UNC13A: variants seen among roughly 807,000 people sequenced by gnomAD.
UNC13A encodes protein unc-13 homolog A.
In UNC13A, 61 loss-of-function variants were observed where a neutral mutation model predicts 219.7. The ratio of observed to expected loss-of-function variants is 0.28; its 90% confidence interval spans 0.23 to 0.34. The LOEUF (loss-of-function observed/expected upper bound fraction) is 0.34. Among genes scored for constraint, UNC13A ranks in the 10% least tolerant of loss-of-function variants. The probability of loss-of-function intolerance (pLI) is 1.00; values close to 1 mark genes in which losing one functional copy is unlikely to be tolerated. For synonymous variants in UNC13A, 920 were observed against 884.6 expected, an observed-to-expected ratio of 1.04 and a Z score of -0.71; for missense variants, 1,476 against 2,270.3, an observed-to-expected ratio of 0.65 and a Z score of 7.11.
chr19:17,667,227 G>A (rs2079671791), intron 6 of UNC13A, among the ~76,000 whole-genome samples: 1 of 149,122 alleles, frequency 6.7e-6, no homozygotes. Flanking sequence ...CTCCAGCCTG[G>A]TGACACAGCG....
intron 19 of UNC13A, among the ~76,000 whole-genome samples, chr19:17,643,400 A>G (rs541268288): frequency 7.3e-4 from 111 of 151,994 alleles, no homozygotes; most frequent in South Asian, 1.5e-3. Context: ...GCTCACTGCA[A>G]TCTCCACCTC....
Position 17,630,148 on chromosome 19 carries a change from G to C in UNC13A, c.3666C>G (p.Ala1222=). Reference sequence around the variant, plus strand: ...AACCCTACCCACTCTCCCACACCTTGGCAAAGCGCCTCATGTAGTGCCCCA... The same window carrying C: ...AACCCTACCCACTCTCCCACACCTTCGCAAAGCGCCTCATGTAGTGCCCCA... ...QIVGHYMRRF[A]KTISNVLLQY... The change falls in exon 30 of 44, where the codon GCC becomes GCG. Residue 1222 remains alanine, a synonymous_variant. Coordinates refer to ENST00000519716, the MANE Select transcript of UNC13A (RefSeq NM_001080421.3). 6 of 1,551,808 alleles carry C rather than the reference G, an allele frequency of 3.9e-6. No individual in the cohort carries two copies. The highest frequency in any genetic ancestry group is 5.2e-6 in the Non-Finnish European group (6 of 1,147,026).
chr19:17,640,290 C>T (rs149550658), intron 22 of UNC13A, among the ~76,000 whole-genome samples: 237 of 152,282 alleles, frequency 1.6e-3, no homozygotes, highest in African/African-American at 5.4e-3. Flanking sequence ...TCTCCAGCCT[C>T]GGCCTCCCAA....
At chr19:17,607,415 C>A (rs1370887257) in intron 43 of UNC13A, among the ~76,000 whole-genome samples, 1 of 142,720 alleles carries the variant, frequency 7.0e-6, no homozygotes, top group African/African-American at 2.7e-5. Flanking sequence ...GCATGCACCA[C>A]CACACCGGGC....
chr19:17,626,019 A>G (rs2076779624), intron 34 of UNC13A, among the ~76,000 whole-genome samples: 1 of 148,272 alleles, frequency 6.7e-6, no homozygotes, highest in Non-Finnish European at 1.5e-5. Context: ...TCATCCAAAT[A>G]TTTATCCACC....
Position 17,606,599 on chromosome 19 carries a change from C to T in UNC13A, c.4812-245G>A, listed in dbSNP as rs977364560. Among the ~76,000 whole-genome samples, 3 of 152,208 alleles carry T rather than the reference C, an allele frequency of 2.0e-5. No individual in the cohort carries two copies. The East Asian group carries it at 5.8e-4, about 29-fold the overall frequency. Reference sequence around the variant, plus strand: ...CCTGTTCTTCCCATTTTTCCACCCACCGAAAAATGACCGCATAGTTTTACA... The same window carrying T: ...CCTGTTCTTCCCATTTTTCCACCCATCGAAAAATGACCGCATAGTTTTACA... On this transcript the variant is annotated intron_variant, in intron 43 of 43. Coordinates refer to ENST00000519716, the MANE Select transcript of UNC13A (RefSeq NM_001080421.3).
chr19:17,639,707 G>A, intron 23 of UNC13A, 133 bp downstream of exon 23: 3 of 1,188,496 alleles, frequency 2.5e-6, no homozygotes, highest in African/African-American at 1.5e-5. Flanking sequence ...GCCCATGCAG[G>A]TGCACACATG....
chr19:17,633,435 C>T (rs1405093507), intron 26 of UNC13A, among the ~76,000 whole-genome samples: 3 of 152,288 alleles, frequency 2.0e-5, no homozygotes, highest in Middle Eastern at 6.8e-3. Context: ...TCCACCCATA[C>T]ATTCAACAAC....
chr19:17,620,935 C>A (rs1728199020), intron 37 of UNC13A, among the ~76,000 whole-genome samples: 1 of 152,068 alleles, frequency 6.6e-6, no homozygotes, highest in Admixed American at 6.5e-5. Flanking sequence ...TGCCAGCACA[C>A]TCTCGGGGTA....
At chr19:17,686,817 G>A (rs990272373) in intron 1 of UNC13A, among the ~76,000 whole-genome samples, 294 of 151,816 alleles carry the variant, frequency 1.9e-3, no homozygotes, top group Non-Finnish European at 3.8e-3. Flanking sequence ...TGAATCGGCC[G>A]AGGGGGAGGG....
intron 1 of UNC13A, among the ~76,000 whole-genome samples, chr19:17,686,406 A>G (rs2080113434): frequency 1.3e-5 from 2 of 150,216 alleles, no homozygotes; most frequent in South Asian, 4.2e-4. Flanking sequence ...GAGAGAGGAT[A>G]GAGGAGTCAG....
At position 17,632,966 on chromosome 19, in the gene UNC13A, C is replaced by T. The variant is rs896284265; in HGVS notation, c.3302-58G>A. On this transcript the variant is annotated intron_variant, in intron 27 of 43. Transcript: ENST00000519716. ...AAGGGTCTGCCACCCTCTGTCTCGGCAGAGAGGCTGCCTACTCTGGCCATC... is the reference window on the plus strand; with the variant it reads ...AAGGGTCTGCCACCCTCTGTCTCGGTAGAGAGGCTGCCTACTCTGGCCATC... 5 of 1,611,932 alleles carry T rather than the reference C, an allele frequency of 3.1e-6. No individual in the cohort carries two copies. The East Asian group carries it at 8.9e-5, about 29-fold the overall frequency.
chr19:17,642,017 T>G (rs936044740), intron 20 of UNC13A, among the ~76,000 whole-genome samples: 3 of 121,142 alleles, frequency 2.5e-5, no homozygotes, highest in African/African-American at 8.8e-5. Flanking sequence ...TTCATCCATT[T>G]GTCCATCTGC....
At chr19:17,682,679 T>C (rs2080040827) in intron 1 of UNC13A, among the ~76,000 whole-genome samples, 1 of 151,976 alleles carries the variant, frequency 6.6e-6, no homozygotes, top group Non-Finnish European at 1.5e-5. Flanking sequence ...AACGGAGGGA[T>C]GTGTGAAGGC....
In UNC13A at chr19:17,688,108, C is replaced by T; in HGVS notation, c.22+70G>A. 4 of 1,501,278 alleles carry T rather than the reference C, an allele frequency of 2.7e-6. No individual in the cohort carries two copies. In the South Asian group the frequency reaches 3.7e-5, roughly 14 times the overall value. 93.0% of individuals were successfully genotyped at this position (1,501,278 alleles called of 1,614,324 possible). ...CACCCCCCAGGAACCCCCTGGGAGC[C>T]GCATCCACGCGGACCCCGACCCCAG... On this transcript the variant is annotated intron_variant, in intron 1 of 43. Transcript: ENST00000519716.
At chr19:17,611,645 C>G (rs1237926426) in intron 42 of UNC13A, 118 bp downstream of exon 42, 1 of 903,010 alleles carries the variant, frequency 1.1e-6, no homozygotes, top group African/African-American at 1.6e-5. Flanking sequence ...CACCTTTGGA[C>G]GTTTCCGTTT....
intron 15 of UNC13A, 23 bp from the exon 16 acceptor site, chr19:17,648,673 G>A (rs745528159): frequency 1.3e-6 from 2 of 1,589,474 alleles, no homozygotes; most frequent in Non-Finnish European, 1.7e-6. Context: ...ATGGGGTGCG[G>A]TTTGGGGGCG....
Position 17,656,332 on chromosome 19 carries a change from C to A in UNC13A, c.834G>T (p.Glu278Asp). 1.3e-6 allele frequency: 2 copies of A among 1,558,728 alleles called. No individual in the cohort carries two copies. Among genetic ancestry groups the A allele is most frequent in the East Asian group, 4.8e-5 (2 of 41,612 alleles). Residue 278 changes from glutamate (E) to aspartate (D), a missense_variant, in exon 10 of 44, where the codon GAG (glutamate) becomes GAT (aspartate). Glu to Asp is a conservative substitution (Grantham distance 45). This residue lies in a region of UNC13A where 351 missense variants were observed against 342.6 expected (regional missense o/e 1.02). Coordinates refer to ENST00000519716, the MANE Select transcript of UNC13A (RefSeq NM_001080421.3). ...GGCTGTGCTCGTCAGGGTCGAAGTC[C>A]TCGCTCAGCTGAGAGCTTCCCTGGC... Reference protein sequence around the residue: ...ELSQGSSQLSEDFDPDEHSLQ... With the variant: ...ELSQGSSQLSDDFDPDEHSLQ...
At chr19:17,670,384 G>A (rs2079762412) in intron 4 of UNC13A, among the ~76,000 whole-genome samples, 1 of 151,976 alleles carries the variant, frequency 6.6e-6, no homozygotes, top group African/African-American at 2.4e-5. Context: ...GGGATTACAG[G>A]TACGTGCCAG....
Sources: allele counts gnomAD v4.1 joint callset (sites outside exome capture counted in the v4.1 genomes callset), GRCh38; gene constraint gnomAD v4.1.1; regional missense constraint gnomAD v4.1.1; transcripts MANE v1.5; gene names NCBI Gene and HGNC (gene_info 2026-07-23, HGNC 2026-07-21).